The following GRID1 variants were observed in gnomAD, a reference collection of about 807,000 sequenced individuals.
GRID1 encodes the protein glutamate receptor ionotropic, delta-1.
In GRID1, 28 loss-of-function variants were observed where a neutral mutation model predicts 98.0. The ratio of observed to expected loss-of-function variants is 0.29; its 90% CI spans 0.21 to 0.39. The LOEUF is 0.39. Ranked by LOEUF, GRID1 falls within the 10% of genes least tolerant of loss-of-function variation. The pLI is 1.00. For synonymous variants in GRID1, 553 were observed against 538.5 expected, an observed-to-expected ratio of 1.03 and a Z score of -0.37; for missense variants, 1,111 against 1,340.5, an observed-to-expected ratio of 0.83 and a Z score of 2.67.
chr10:85,711,009 C>T (rs2132635949), intron 12 of GRID1, among the ~76,000 whole-genome samples: 1 of 152,100 alleles, frequency 6.6e-6, no homozygotes, highest in African/African-American at 2.4e-5. Flanking sequence ...AATTGGATTT[C>T]TTGTGCATTG....
Position 85,941,891 on chromosome 10 carries a change from C to T in GRID1, c.727-25652G>A, listed in dbSNP as rs77526412. ...TGCTCCCAGACAAATAAGAGTTTTC[C>T]CTGTGGCTTTAACTGCCTCCTGTCT... On this transcript the variant is annotated intron_variant, in intron 4 of 15. Transcript: ENST00000327946. Among the ~76,000 whole-genome samples the T allele has an allele frequency of 3.4e-3, 522 of 152,212 alleles. 3 individuals carry two copies. Among genetic ancestry groups the T allele is most frequent in the African/African-American group, 0.012 (499 of 41,540 alleles).
chr10:86,046,404 CCCTTGAATTCTTT>C (rs1843425071), intron 4 of GRID1, among the ~76,000 whole-genome samples: 1 of 152,188 alleles, frequency 6.6e-6, no homozygotes, highest in East Asian at 1.9e-4. Flanking sequence ...CACCAGCTCG[CCCTTGAATTCTTT>C]CCTGGGCAAA....
At chr10:86,298,554 G>A (rs1847629276) in intron 2 of GRID1, among the ~76,000 whole-genome samples, 1 of 152,172 alleles carries the variant, frequency 6.6e-6, no homozygotes, top group Non-Finnish European at 1.5e-5. Context: ...GACTCACCCA[G>A]GCCTGGAGAC....
intron 13 of GRID1, among the ~76,000 whole-genome samples, chr10:85,624,498 C>A (rs550837782): frequency 6.6e-6 from 1 of 152,190 alleles, no homozygotes; most frequent in Non-Finnish European, 1.5e-5. Flanking sequence ...CCCCACAGAG[C>A]CCTTCAGGAC....
At position 85,600,754 on chromosome 10, in the gene GRID1, CT is replaced by C. The variant is rs748668642; in HGVS notation, c.*1518del. The stretch of plus-strand genomic sequence containing the variant: ...TTCCCTGATTCTGTAGTTTAGTTGC[CT>C]CAGAAAGGGCAACTGAAGGAGGGGG... On this transcript the variant is annotated 3_prime_UTR_variant, in exon 16 of 16. Transcript: ENST00000327946. The C allele has an allele frequency of 1.3e-5, 2 of 152,226 alleles. No individual in the cohort carries two copies. Among genetic ancestry groups the C allele is most frequent in the African/African-American group, 2.4e-5 (1 of 41,440 alleles). 9.4% of individuals were successfully genotyped at this position (152,226 alleles called of 1,614,324 possible). A position where few individuals can be genotyped will look rare whatever the true frequency, so the allele number is the denominator to read the frequency against.
At chr10:86,173,879 T>C (rs1445509152) in intron 3 of GRID1, among the ~76,000 whole-genome samples, 2 of 152,152 alleles carry the variant, frequency 1.3e-5, no homozygotes, top group African/African-American at 4.8e-5. Flanking sequence ...TCCAATTTCA[T>C]CCATGTCCCT....
At chr10:86,335,105 T>G (rs933035937) in intron 2 of GRID1, among the ~76,000 whole-genome samples, 1 of 152,222 alleles carries the variant, frequency 6.6e-6, no homozygotes, top group Non-Finnish European at 1.5e-5. Flanking sequence ...AAAATTAAAC[T>G]CACTTAGACT....
intron 5 of GRID1, among the ~76,000 whole-genome samples, chr10:85,900,667 G>C (rs1222932048): frequency 6.6e-6 from 1 of 152,212 alleles, no homozygotes; most frequent in Admixed American, 6.5e-5. Flanking sequence ...AGGATCTGGA[G>C]TGGCTCCCAC....
chr10:85,788,679 G>A lies in GRID1; in HGVS notation c.1234-59065C>T, dbSNP rs186098658. 2.5e-3 allele frequency among the ~76,000 whole-genome samples: 374 copies of A among 152,340 alleles called. 1 individual carries two copies. The highest frequency in any genetic ancestry group is 8.6e-3 in the African/African-American group (359 of 41,578). ...TTTATTCTTCCGTTAGGAAAGTCTT[G>A]CACTGTGAAATGGGACCTGTTTGCC... On this transcript the variant is annotated intron_variant, in intron 8 of 15. Transcript: ENST00000327946.
intron 2 of GRID1, among the ~76,000 whole-genome samples, chr10:86,258,514 G>C (rs1054693353): frequency 1.3e-5 from 2 of 152,156 alleles, no homozygotes; most frequent in Admixed American, 1.3e-4. Flanking sequence ...ATGGTAGGTT[G>C]GCTGCAGCTC....
chr10:85,665,923 C>T (rs749673915), intron 12 of GRID1, among the ~76,000 whole-genome samples: 9 of 152,102 alleles, frequency 5.9e-5, no homozygotes, highest in Non-Finnish European at 1.2e-4. Context: ...GCAAGATCAG[C>T]ATAATTCCAC....
intron 4 of GRID1, among the ~76,000 whole-genome samples, chr10:85,981,370 CTT>C (rs918206846): frequency 1.1e-4 from 16 of 152,312 alleles, no homozygotes; most frequent in African/African-American, 3.8e-4. Context: ...AGGGAAAAGC[CTT>C]CGCAGATCAT....
At chr10:85,608,933 C>A (rs1842702826) in intron 15 of GRID1, among the ~76,000 whole-genome samples, 1 of 152,188 alleles carries the variant, frequency 6.6e-6, no homozygotes, top group Admixed American at 6.5e-5. Context: ...CTGTTTCCAG[C>A]AGAAGGGAGA....
intron 15 of GRID1, among the ~76,000 whole-genome samples, chr10:85,611,449 T>G (rs1351568477): frequency 6.6e-6 from 1 of 152,138 alleles, no homozygotes; most frequent in East Asian, 1.9e-4. Flanking sequence ...GAAGACAAAT[T>G]CCTGACAGTG....
chr10:85,811,298 T>C lies in GRID1; in HGVS notation c.1233+43198A>G, dbSNP rs557040520. On this transcript the variant is annotated intron_variant, in intron 8 of 15. Transcript: ENST00000327946. Reference sequence around the variant, plus strand: ...AGAGGCTACTATTCCCTCAGGTGCATAAATATCAATGTAAGGACACAGCAA... The same window carrying C: ...AGAGGCTACTATTCCCTCAGGTGCACAAATATCAATGTAAGGACACAGCAA... Among the ~76,000 whole-genome samples the C allele has an allele frequency of 5.9e-4, 90 of 152,244 alleles. 1 individual carries two copies. Among genetic ancestry groups the C allele is most frequent in the African/African-American group, 2.1e-3 (86 of 41,550 alleles).
At chr10:86,186,233 T>G (rs889098389) in intron 3 of GRID1, among the ~76,000 whole-genome samples, 21 of 152,230 alleles carry the variant, frequency 1.4e-4, no homozygotes, top group Admixed American at 1.1e-3. Context: ...CTTATGATTG[T>G]TTAATGCCTC....
At chr10:85,887,056 A>G (rs1334858249) in intron 5 of GRID1, among the ~76,000 whole-genome samples, 1 of 152,218 alleles carries the variant, frequency 6.6e-6, no homozygotes, top group Non-Finnish European at 1.5e-5. Flanking sequence ...AGTTGATGAC[A>G]GTAGAGAAAC....
chr10:85,854,410 G>A, intron 8 of GRID1, 86 bp downstream of exon 8: 1 of 1,221,700 alleles, frequency 8.2e-7, no homozygotes, highest in Non-Finnish European at 1.2e-6. Context: ...GTTAACAGTT[G>A]CTGGGAGCTC....
At position 85,600,307 on chromosome 10, in the gene GRID1, C is replaced by T. The variant is rs921845865; in HGVS notation, c.*1966G>A. ...ATGTCAATGGATTGCCTAGGTAGCACGAATATCAGACCATTCTCAGCATCC... is the reference window on the plus strand; with the variant it reads ...ATGTCAATGGATTGCCTAGGTAGCATGAATATCAGACCATTCTCAGCATCC... On this transcript the variant is annotated 3_prime_UTR_variant, in exon 16 of 16. Transcript: ENST00000327946. 1.3e-5 allele frequency: 2 copies of T among 152,046 alleles called. No individual in the cohort carries two copies. The highest frequency in any genetic ancestry group is 6.6e-5 in the Admixed American group (1 of 15,264). 9.4% of individuals were successfully genotyped at this position (152,046 alleles called of 1,614,324 possible).
Sources: allele counts gnomAD v4.1 joint callset (sites outside exome capture counted in the v4.1 genomes callset), GRCh38; gene constraint gnomAD v4.1.1; transcripts MANE v1.5; gene names NCBI Gene and HGNC (gene_info 2026-07-23, HGNC 2026-07-21).